ECT2L: variants seen among roughly 807,000 people sequenced by gnomAD.
ECT2L encodes the protein epithelial cell transforming 2 like.
In ECT2L, 126 loss-of-function variants were observed where a neutral mutation model predicts 122.8. The observed-to-expected ratio is 1.03, with a 90% CI of 0.89 to 1.19. ECT2L has a LOEUF of 1.19. ECT2L is among the 50% of genes most tolerant of loss of function. The probability of loss-of-function intolerance (pLI) is 0.00; values close to 1 mark genes in which losing one functional copy is unlikely to be tolerated. For synonymous variants in ECT2L, 385 were observed against 381.8 expected, an observed-to-expected ratio of 1.01 and a Z score of -0.10; for missense variants, 1,012 against 1,064.1, an observed-to-expected ratio of 0.95 and a Z score of 0.68.
At chr6:138,889,103 C>T (rs1778930439) in intron 20 of ECT2L, 72 bp downstream of exon 20, 4 of 738,130 alleles carry the variant, frequency 5.4e-6, no homozygotes. Flanking sequence ...CATCCTGTAG[C>T]TCCAGCATTC....
rs150986219 is a variant in ECT2L, at chr6:138,842,066, T to C, written c.343-913T>C. ...GATGTCTAATACATACATTCACATA[T>C]AACATATATATTCATCAAATAATAT... On this transcript the variant is annotated intron_variant, in intron 5 of 21. Coordinates refer to ENST00000541398, the MANE Select transcript of ECT2L (RefSeq NM_001077706.3). Among the ~76,000 whole-genome samples, 675 of 152,356 alleles carry C rather than the reference T, an allele frequency of 4.4e-3. 3 individuals carry two copies. The highest frequency in any genetic ancestry group is 0.016 in the African/African-American group (656 of 41,578).
At chr6:138,876,413 T>C in intron 13 of ECT2L, 59 bp from the exon 14 acceptor site, 5 of 1,234,690 alleles carry the variant, frequency 4.0e-6, no homozygotes, top group South Asian at 2.5e-5. Flanking sequence ...GGCACAGTAC[T>C]GAGTTTTCAG....
chr6:138,832,207 A>G (rs116471285), intron 4 of ECT2L, among the ~76,000 whole-genome samples: 3,409 of 151,136 alleles, frequency 0.023, 124 homozygotes, highest in African/African-American at 0.078. Flanking sequence ...CCAAATGAAC[A>G]TTTCAAACAT....
intron 12 of ECT2L, among the ~76,000 whole-genome samples, chr6:138,865,597 G>T (rs1480523188): frequency 6.6e-6 from 1 of 152,150 alleles, no homozygotes; most frequent in Non-Finnish European, 1.5e-5. Flanking sequence ...ATATAATTCA[G>T]TGATGGGCTC....
intron 15 of ECT2L, among the ~76,000 whole-genome samples, chr6:138,882,254 C>T (rs1416013075): frequency 6.6e-6 from 1 of 152,186 alleles, no homozygotes; most frequent in Non-Finnish European, 1.5e-5. Flanking sequence ...CCAGCTCCTA[C>T]AGTGAAGAGG....
chr6:138,833,512 C>G (rs1162104417), intron 4 of ECT2L, among the ~76,000 whole-genome samples: 2 of 152,186 alleles, frequency 1.3e-5, no homozygotes, highest in Non-Finnish European at 2.9e-5. Context: ...AGGAGTTGCA[C>G]AGATGCCTAT....
intron 20 of ECT2L, 148 bp from the exon 21 acceptor site, chr6:138,900,800 A>G: frequency 4.7e-6 from 4 of 846,808 alleles, no homozygotes; most frequent in Non-Finnish European, 7.1e-6. Context: ...CAGGAGGAAT[A>G]TTATACTGAG....
At chr6:138,900,760 C>T (rs1318223205) in intron 20 of ECT2L, among the ~76,000 whole-genome samples, 188 bp from the exon 21 acceptor site, 1 of 152,138 alleles carries the variant, frequency 6.6e-6, no homozygotes, top group Non-Finnish European at 1.5e-5. Flanking sequence ...ACTGACCTGA[C>T]CTCAGAGACA....
chr6:138,875,022 G>A (rs755645730), intron 13 of ECT2L, among the ~76,000 whole-genome samples: 1 of 152,176 alleles, frequency 6.6e-6, no homozygotes, highest in Non-Finnish European at 1.5e-5. Context: ...GGGAGGTCGA[G>A]GCTGCAGTGA....
intron 6 of ECT2L, among the ~76,000 whole-genome samples, 170 bp from the exon 7 acceptor site, chr6:138,844,240 CCA>C (rs1319870730): frequency 6.6e-6 from 1 of 152,164 alleles, no homozygotes; most frequent in Middle Eastern, 3.2e-3. Context: ...TAGCTCACAG[CCA>C]CAGTGCCAAG....
At chr6:138,857,936 G>A (rs749257954) in intron 10 of ECT2L, among the ~76,000 whole-genome samples, 1 of 152,138 alleles carries the variant, frequency 6.6e-6, no homozygotes, top group African/African-American at 2.4e-5. Flanking sequence ...CCTTCTCCAC[G>A]TGGCGGCAGG....
chr6:138,898,831 C>T (rs1436002155), intron 20 of ECT2L, among the ~76,000 whole-genome samples: 1 of 152,130 alleles, frequency 6.6e-6, no homozygotes, highest in Admixed American at 6.5e-5. Context: ...CAGTAGATGG[C>T]TGAAACCTCA....
Position 138,903,805 on chromosome 6 carries a change from G to A in ECT2L, c.*1178G>A, listed in dbSNP as rs1779489349. The stretch of plus-strand genomic sequence containing the variant: ...TTCAGCTGATGTATATTTTTACCTA[G>A]ATATTGTCAGGTAAAAATTGTATTA... On this transcript the variant is annotated 3_prime_UTR_variant, in exon 22 of 22. Coordinates refer to ENST00000541398, the MANE Select transcript of ECT2L (RefSeq NM_001077706.3). 6.6e-6 allele frequency: 1 copy of A among 152,134 alleles called. No individual in the cohort carries two copies. The highest frequency in any genetic ancestry group is 2.4e-5 in the African/African-American group (1 of 41,434). 9.4% of individuals were successfully genotyped at this position (152,134 alleles called of 1,614,324 possible).
intron 8 of ECT2L, among the ~76,000 whole-genome samples, 156 bp downstream of exon 8, chr6:138,846,833 C>CA (rs143011096): frequency 0.034 from 5,124 of 151,390 alleles, 304 homozygotes; most frequent in African/African-American, 0.12. Flanking sequence ...TGTGGTGGCA[C>CA]TAACTGTAGT....
intron 4 of ECT2L, among the ~76,000 whole-genome samples, chr6:138,828,958 C>CT (rs1178754535): frequency 6.6e-6 from 1 of 151,880 alleles, no homozygotes; most frequent in Non-Finnish European, 1.5e-5. Flanking sequence ...AATTTCTCTT[C>CT]TTTTTTTATT....
At chr6:138,815,780 A>G (rs190997181) in intron 4 of ECT2L, among the ~76,000 whole-genome samples, 10 of 152,314 alleles carry the variant, frequency 6.6e-5, no homozygotes, top group Non-Finnish European at 1.2e-4. Context: ...GATGTCTTAG[A>G]TACCCAGCAA....
intron 10 of ECT2L, among the ~76,000 whole-genome samples, chr6:138,854,990 G>A (rs1218408592): frequency 6.6e-6 from 1 of 151,694 alleles, no homozygotes; most frequent in African/African-American, 2.4e-5. Flanking sequence ...TTTTGTTGTT[G>A]TTGTTAGCCA....
rs1554276977 is a variant in ECT2L, at chr6:138,873,890, G to GTGTGTGTGTGTGTGTA, written c.1579-2567_1579-2566insATGTGTGTGTGTGTGT. On this transcript the variant is annotated intron_variant, in intron 13 of 21. Transcript: ENST00000541398. ...TCCAGGACTGTGTGTGTGTGTGTGT[G>GTGTGTGTGTGTGTGTA]TGTGTGTGTGTGTGTGTGTGTGTGT... Among the ~76,000 whole-genome samples the GTGTGTGTGTGTGTGTA allele has an allele frequency of 1.2e-3, 151 of 130,714 alleles. 2 individuals carry two copies. The highest frequency in any genetic ancestry group is 9.5e-3 in the South Asian group (40 of 4,196). The allele number at this position is 130,714 out of a possible 152,430, so 85.8% of individuals were successfully genotyped here.
intron 4 of ECT2L, among the ~76,000 whole-genome samples, chr6:138,824,895 C>G (rs933675773): frequency 6.6e-6 from 1 of 152,220 alleles, no homozygotes; most frequent in Non-Finnish European, 1.5e-5. Flanking sequence ...GGCTCCACCC[C>G]CCGGAACCAC....
Sources: gnomAD v4.1 joint callset for allele counts (sites outside exome capture counted in the v4.1 genomes callset) on GRCh38, gnomAD v4.1.1 for gene constraint, MANE v1.5 for transcripts, NCBI Gene and HGNC (gene_info 2026-07-23, HGNC 2026-07-21) for gene names.